The following DCC variants were observed in gnomAD, a reference collection of about 807,000 sequenced individuals.
The protein encoded by DCC is DCC netrin 1 receptor.
In DCC, 58 loss-of-function variants were observed where a neutral mutation model predicts 172.5. The ratio of observed to expected loss-of-function variants is 0.34; its 90% CI spans 0.27 to 0.42. The LOEUF (loss-of-function observed/expected upper bound fraction) is 0.42. Among genes scored for constraint, DCC ranks in the 10% least tolerant of loss-of-function variants. The pLI is 1.00. For synonymous variants in DCC, 709 were observed against 644.5 expected (o/e 1.10, Z -1.52); for missense variants, 1,740 against 1,791.0 (o/e 0.97, Z 0.51).
intron 1 of DCC, among the ~76,000 whole-genome samples, chr18:52,742,166 G>A (rs2036831832): frequency 3.3e-5 from 5 of 152,102 alleles, no homozygotes; most frequent in Admixed American, 2.6e-4. Flanking sequence ...CTAAGTCTGT[G>A]GGAAACAAAT....
At chr18:52,457,606 A>G (rs1452047462) in intron 1 of DCC, among the ~76,000 whole-genome samples, 2 of 152,174 alleles carry the variant, frequency 1.3e-5, no homozygotes, top group African/African-American at 4.8e-5. Flanking sequence ...TCCTTAAGGT[A>G]TATGTTAGTA....
At chr18:53,426,444 A>G (rs1276333295) in intron 21 of DCC, among the ~76,000 whole-genome samples, 1 of 139,152 alleles carries the variant, frequency 7.2e-6, no homozygotes, top group Non-Finnish European at 1.6e-5. Context: ...TATTATTTAT[A>G]TATTTATGTA....
chr18:52,791,212 G>A (rs1436163108), intron 2 of DCC, among the ~76,000 whole-genome samples: 1 of 152,176 alleles, frequency 6.6e-6, no homozygotes, highest in Non-Finnish European at 1.5e-5. Flanking sequence ...GAGCCGGGCT[G>A]ATTTTGCAAT....
At chr18:53,384,296 C>T (rs1568096830) in intron 15 of DCC, among the ~76,000 whole-genome samples, 3 of 151,942 alleles carry the variant, frequency 2.0e-5, no homozygotes, top group Non-Finnish European at 2.9e-5. Context: ...TTTCTTCTGC[C>T]GTAAAATGTT....
intron 5 of DCC, among the ~76,000 whole-genome samples, chr18:52,971,509 G>GCGCACACACACACACACACGCA (rs1009888531): frequency 6.6e-6 from 1 of 151,244 alleles, no homozygotes; most frequent in African/African-American, 2.4e-5. Flanking sequence ...GTGTGTGTGC[G>GCGCACACACACACACACACGCA]CGCACACACA....
intron 5 of DCC, among the ~76,000 whole-genome samples, chr18:53,000,679 A>G (rs553057144): frequency 6.7e-6 from 1 of 148,172 alleles, no homozygotes; most frequent in African/African-American, 2.5e-5. Context: ...AGAGCCAGTA[A>G]TGTGTCACAG....
In DCC at chr18:53,086,518, T is replaced by C. The variant is rs1269362507; in HGVS notation, c.1261+20352T>C. ...TCTTCTTCCTTTCTTCTTCTTCTTC[T>C]TTCTTCTTCCTTCTTCTTCTTCTTC... On this transcript the variant is annotated intron_variant, in intron 7 of 28. Coordinates refer to ENST00000442544, the MANE Select transcript of DCC (RefSeq NM_005215.4). Among the ~76,000 whole-genome samples, 14 of 53,478 alleles carry C rather than the reference T, an allele frequency of 2.6e-4. 6 individuals carry two copies. In the African/African-American group the frequency reaches 3.1e-3, roughly 12 times the overall value. The allele number at this position is 53,478 out of a possible 152,430, so 35.1% of individuals were successfully genotyped here.
chr18:53,451,566 T>C lies in DCC; in HGVS notation c.3392+904T>C, dbSNP rs181904946. 8.5e-5 allele frequency among the ~76,000 whole-genome samples: 13 copies of C among 152,334 alleles called. No homozygotes were observed. In the East Asian group the frequency reaches 2.1e-3, roughly 25 times the overall value. Reference sequence around the variant, plus strand: ...TTGGTTCTGGTTTTAGGTTTTTCCATTGGCCTCAGGCATGACATTACCTCT... The same window carrying C: ...TTGGTTCTGGTTTTAGGTTTTTCCACTGGCCTCAGGCATGACATTACCTCT... On this transcript the variant is annotated intron_variant, in intron 23 of 28. Coordinates refer to ENST00000442544, the MANE Select transcript of DCC (RefSeq NM_005215.4).
chr18:53,341,318 C>T (rs1355201869), intron 15 of DCC, among the ~76,000 whole-genome samples: 2 of 152,138 alleles, frequency 1.3e-5, no homozygotes, highest in African/African-American at 2.4e-5. Context: ...TTGACCCTAT[C>T]CTTTTTCTAA....
intron 5 of DCC, among the ~76,000 whole-genome samples, chr18:53,030,968 T>C (rs1289713629): frequency 6.6e-6 from 1 of 152,116 alleles, no homozygotes; most frequent in Non-Finnish European, 1.5e-5. Flanking sequence ...TCTCTTGAAA[T>C]ATTTTTCTGG....
chr18:52,359,283 G>T (rs550991326), intron 1 of DCC, among the ~76,000 whole-genome samples: 3 of 152,098 alleles, frequency 2.0e-5, no homozygotes, highest in African/African-American at 7.2e-5. Flanking sequence ...AATAATAATG[G>T]TTAATATTTA....
At chr18:53,178,322 T>G (rs1292110174) in intron 8 of DCC, among the ~76,000 whole-genome samples, 1 of 152,222 alleles carries the variant, frequency 6.6e-6, no homozygotes, top group Admixed American at 6.5e-5. Flanking sequence ...GTTTTTAGTT[T>G]ATAAATGTAT....
chr18:52,401,379 T>C (rs1986434961), intron 1 of DCC, among the ~76,000 whole-genome samples: 1 of 152,060 alleles, frequency 6.6e-6, no homozygotes, highest in Non-Finnish European at 1.5e-5. Context: ...TAACTTGGAA[T>C]CTTGTGGTTT....
At chr18:52,917,486 G>A (rs1411488295) in intron 3 of DCC, among the ~76,000 whole-genome samples, 1 of 152,094 alleles carries the variant, frequency 6.6e-6, no homozygotes, top group Non-Finnish European at 1.5e-5. Flanking sequence ...CAACAGTTTG[G>A]GATTCACTGT....
chr18:53,476,846 T>A (rs2045769127), intron 25 of DCC, among the ~76,000 whole-genome samples: 1 of 152,150 alleles, frequency 6.6e-6, no homozygotes. Context: ...TATTCTCAAT[T>A]TTCCCTGTGT....
At chr18:53,452,226 G>A (rs1333667985) in intron 23 of DCC, among the ~76,000 whole-genome samples, 1 of 152,208 alleles carries the variant, frequency 6.6e-6, no homozygotes, top group African/African-American at 2.4e-5. Context: ...GGTCTCTGAA[G>A]CAGAGTTAAG....
At chr18:53,434,394 A>G (rs899319336) in intron 21 of DCC, among the ~76,000 whole-genome samples, 3 of 152,200 alleles carry the variant, frequency 2.0e-5, no homozygotes, top group Non-Finnish European at 4.4e-5. Context: ...ACCAGTAGAG[A>G]AAAAGATTAT....
intron 26 of DCC, among the ~76,000 whole-genome samples, chr18:53,493,750 G>T (rs1009010050): frequency 1.2e-4 from 18 of 151,730 alleles, no homozygotes; most frequent in Non-Finnish European, 2.2e-4. Context: ...GGTTTTTCCT[G>T]TCTCTATCTC....
intron 19 of DCC, among the ~76,000 whole-genome samples, chr18:53,407,528 GATATATATATATAT>G (rs74180422): frequency 8.5e-6 from 1 of 117,438 alleles, no homozygotes; most frequent in Admixed American, 9.0e-5. Flanking sequence ...TTTTATTCTG[GATATATATATATAT>G]ATATATATAT....
Sources: allele counts gnomAD v4.1 joint callset (sites outside exome capture counted in the v4.1 genomes callset), GRCh38; gene constraint gnomAD v4.1.1; transcripts MANE v1.5; gene names NCBI Gene and HGNC (gene_info 2026-07-23, HGNC 2026-07-21).